Variants in NTN4 observed in about 807,000 individuals in gnomAD.
The protein encoded by NTN4 is netrin 4.
In NTN4, 32 loss-of-function variants were observed where a neutral mutation model predicts 73.6. The observed-to-expected ratio is 0.44, with a 90% CI of 0.33 to 0.58. NTN4 has a LOEUF of 0.58. NTN4 is among the 20% of genes least tolerant of loss of function. NTN4 has a pLI of 0.04. For missense variants in NTN4, 654 were observed against 798.3 expected, an observed-to-expected ratio of 0.82 and a Z score of 2.18; for synonymous variants, 258 against 287.5, an observed-to-expected ratio of 0.90 and a Z score of 1.04.
chr12:95,781,248 C>A lies in NTN4; in HGVS notation c.585+5691G>T, dbSNP rs1270661924. On this transcript the variant is annotated intron_variant, in intron 2 of 9. Coordinates refer to ENST00000343702, the MANE Select transcript of NTN4 (RefSeq NM_021229.4). The surrounding 1 kb of genome is among the most constrained non-coding windows in gnomAD (Gnocchi z 4.1). The stretch of plus-strand genomic sequence containing the variant: ...AGCACACCAGCATGGCACATGTATA[C>A]ATATGTAACAAACCTGCACGTTGTG... Among the ~76,000 whole-genome samples, 3 of 152,104 alleles carry A rather than the reference C, an allele frequency of 2.0e-5. No homozygotes were observed. Among genetic ancestry groups the A allele is most frequent in the Non-Finnish European group, 4.4e-5 (3 of 68,022 alleles).
intron 3 of NTN4, among the ~76,000 whole-genome samples, chr12:95,723,833 C>T (rs2078669554): frequency 6.6e-6 from 1 of 152,046 alleles, no homozygotes; most frequent in South Asian, 2.1e-4. Context: ...TCTTTATTTG[C>T]CTATATATGT....
At chr12:95,670,661 C>T (rs1348758583) in intron 7 of NTN4, 2 of 152,248 alleles carry the variant, frequency 1.3e-5, no homozygotes, top group African/African-American at 4.8e-5. Context: ...AAGCAAGATA[C>T]AATTCTTGCC....
intron 2 of NTN4, among the ~76,000 whole-genome samples, chr12:95,774,604 C>T (rs140565160): frequency 2.1e-3 from 325 of 152,306 alleles, no homozygotes; most frequent in Non-Finnish European, 3.6e-3. Context: ...CTAAATATTG[C>T]TTAACATATC....
At chr12:95,762,612 G>C (rs2078996061) in intron 2 of NTN4, among the ~76,000 whole-genome samples, 1 of 152,360 alleles carries the variant, frequency 6.6e-6, no homozygotes, top group South Asian at 2.1e-4. Context: ...TCTCTCTACT[G>C]TGTCCTACAT....
intron 3 of NTN4, among the ~76,000 whole-genome samples, chr12:95,718,124 C>T (rs2078620844): frequency 6.6e-6 from 1 of 152,116 alleles, no homozygotes; most frequent in African/African-American, 2.4e-5. Flanking sequence ...GTGATAATAT[C>T]ATATATTAAA....
intron 2 of NTN4, among the ~76,000 whole-genome samples, chr12:95,763,417 A>G (rs779672710): frequency 1.0e-3 from 154 of 152,236 alleles, no homozygotes; most frequent in Non-Finnish European, 1.3e-3. Flanking sequence ...GTGTTAAGCT[A>G]GAGTCTGTTC....
At chr12:95,675,005 C>T (rs2120961473) in intron 7 of NTN4, among the ~76,000 whole-genome samples, 1 of 152,262 alleles carries the variant, frequency 6.6e-6, no homozygotes, top group South Asian at 2.1e-4. Context: ...GTTTAGCAAA[C>T]TTGGAGAATT....
intron 8 of NTN4, among the ~76,000 whole-genome samples, 174 bp downstream of exon 8, chr12:95,669,904 A>C (rs2078214318): frequency 6.6e-6 from 1 of 152,204 alleles, no homozygotes; most frequent in Non-Finnish European, 1.5e-5. Flanking sequence ...CACCAACTAC[A>C]TCAGGAAAAT....
chr12:95,737,765 G>GA (rs1162017018), intron 3 of NTN4, 101 bp downstream of exon 3: 2 of 1,179,206 alleles, frequency 1.7e-6, no homozygotes, highest in Non-Finnish European at 2.4e-6. Flanking sequence ...ATGGGCAGAG[G>GA]AAAAAATCAG....
chr12:95,790,427 C>T lies in NTN4; in HGVS notation c.-118G>A. 1 of 837,534 alleles carries T rather than the reference C, an allele frequency of 1.2e-6. No individual in the cohort carries two copies. The highest frequency in any genetic ancestry group is 1.7e-6 in the Non-Finnish European group (1 of 589,098). 51.9% of individuals were successfully genotyped at this position (837,534 alleles called of 1,614,324 possible). ...GGGAACGGGGCCCTGGTTTCTTCCT[C>T]CTCCTGGGGCGCCGGGCTCGGTCAG... On this transcript the variant is annotated 5_prime_UTR_variant, in exon 1 of 10. Coordinates refer to ENST00000343702, the MANE Select transcript of NTN4 (RefSeq NM_021229.4). The surrounding 1 kb of genome is among the most constrained non-coding windows in gnomAD (Gnocchi z 6.5).
At position 95,689,291 on chromosome 12, in the gene NTN4, A is replaced by G. The variant is rs183427897; in HGVS notation, c.1181-5580T>C. Reference sequence around the variant, plus strand: ...CATTTGTAGTTTCCAAAATGTGGTCACTCCTTAGCCAAACATGTAAGGTCC... The same window carrying G: ...CATTTGTAGTTTCCAAAATGTGGTCGCTCCTTAGCCAAACATGTAAGGTCC... On this transcript the variant is annotated intron_variant, in intron 5 of 9. Transcript: ENST00000343702. 3.2e-4 allele frequency among the ~76,000 whole-genome samples: 48 copies of G among 152,302 alleles called. No individual in the cohort carries two copies. The East Asian group carries it at 8.5e-3, about 27-fold the overall frequency.
intron 3 of NTN4, 131 bp from the exon 4 acceptor site, chr12:95,713,469 G>T: frequency 2.0e-6 from 2 of 995,126 alleles, no homozygotes; most frequent in Non-Finnish European, 2.8e-6. Context: ...GAAGAAGTTA[G>T]CCATCAAGAG....
At chr12:95,773,016 TTTTTGAGATGGAGTTTCACTC>T (rs1296014943) in intron 2 of NTN4, among the ~76,000 whole-genome samples, 3 of 124,594 alleles carry the variant, frequency 2.4e-5, no homozygotes, top group African/African-American at 6.2e-5. Context: ...TTTTTCTTTT[TTTTTGAGATGGAGTTTCACTC>T]TTTTGCCCAG....
intron 9 of NTN4, among the ~76,000 whole-genome samples, chr12:95,660,487 G>A (rs943864764): frequency 6.6e-6 from 1 of 151,678 alleles, no homozygotes; most frequent in Admixed American, 6.6e-5. Flanking sequence ...AACTTGCCTA[G>A]ATCTTGTGAT....
intron 9 of NTN4, chr12:95,663,394 C>A (rs550532472): frequency 6.6e-6 from 1 of 152,150 alleles, no homozygotes; most frequent in African/African-American, 2.4e-5. Flanking sequence ...CTTTGCTACA[C>A]GTCTGAGAAC....
chr12:95,691,928 G>C (rs2121021550), intron 5 of NTN4, among the ~76,000 whole-genome samples: 1 of 152,018 alleles, frequency 6.6e-6, no homozygotes, highest in Admixed American at 6.6e-5. Flanking sequence ...GCCCTAACCT[G>C]CTCTCACCCA....
At chr12:95,692,530 C>T (rs1235599808) in intron 5 of NTN4, among the ~76,000 whole-genome samples, 1 of 152,210 alleles carries the variant, frequency 6.6e-6, no homozygotes, top group South Asian at 2.1e-4. Context: ...AGCAATACAT[C>T]TGAAAGTGAA....
upstream of NTN4, among the ~76,000 whole-genome samples, chr12:95,790,930 G>GA (rs923836859): frequency 3.4e-5 from 5 of 145,310 alleles, 1 homozygote; most frequent in Non-Finnish European, 7.6e-5. This position sits in a 1 kb window ranked among gnomAD's most constrained non-coding sequence, Gnocchi z 6.5. Context: ...CTGCCGCCCG[G>GA]GGGGGGGGTC....
intron 3 of NTN4, among the ~76,000 whole-genome samples, chr12:95,727,768 T>C (rs932383691): frequency 6.6e-6 from 1 of 152,346 alleles, no homozygotes; most frequent in South Asian, 2.1e-4. Flanking sequence ...AAGGTTGTTT[T>C]GGCTATTTGA....
Sources: gnomAD v4.1 joint callset for allele counts (sites outside exome capture counted in the v4.1 genomes callset) on GRCh38, gnomAD v4.1.1 for gene constraint, Gnocchi (gnomAD v3.1) non-coding constraint, MANE v1.5 for transcripts, NCBI Gene and HGNC (gene_info 2026-07-23, HGNC 2026-07-21) for gene names.